Variants in H3-3B observed in about 807,000 individuals in gnomAD.
The protein encoded by H3-3B is H3.3 histone B, also known as histone H3.3.
Under a neutral mutation model 13.1 loss-of-function variants are expected in H3-3B, and 2 were observed. That is an observed-to-expected ratio of 0.15 (90% confidence interval 0.06 to 0.48). The LOEUF is 0.48. H3-3B is among the 20% of genes least tolerant of loss of function. The pLI, the probability that H3-3B is intolerant of heterozygous loss-of-function variation, is 0.97. For missense variants in H3-3B, 39 were observed against 186.0 expected, an observed-to-expected ratio of 0.21 and a Z score of 4.60; for synonymous variants, 133 against 75.8, an observed-to-expected ratio of 1.76 and a Z score of -3.92.
rs1343111054 is a variant in H3-3B, at chr17:75,778,028, G to A, written c.*567C>T. 1.3e-5 allele frequency: 2 copies of A among 152,508 alleles called. No individual in the cohort carries two copies. Among genetic ancestry groups the A allele is most frequent in the African/African-American group, 2.4e-5 (1 of 41,364 alleles). The allele number at this position is 152,508 out of a possible 1,614,324, so 9.4% of individuals were successfully genotyped here. A position where few individuals can be genotyped will look rare whatever the true frequency, so the allele number is the denominator to read the frequency against. ...ACAAGACTCCCCACCACTTGTGAAT[G>A]TAAAACATTTAATTTAAAAATGTTG... On this transcript the variant is annotated 3_prime_UTR_variant, in exon 4 of 4. Coordinates refer to ENST00000254810, the MANE Select transcript of H3-3B (RefSeq NM_005324.5).
In H3-3B at chr17:75,777,869, T is replaced by C. The variant is rs1370798523; in HGVS notation, c.*726A>G. The C allele has an allele frequency of 6.6e-6, 1 of 152,578 alleles. No homozygotes were observed. The highest frequency in any genetic ancestry group is 1.5e-5 in the Non-Finnish European group (1 of 68,044). 9.5% of individuals were successfully genotyped at this position (152,578 alleles called of 1,614,324 possible). A position where few individuals can be genotyped will look rare whatever the true frequency, so the allele number is the denominator to read the frequency against. On this transcript the variant is annotated 3_prime_UTR_variant, in exon 4 of 4. Coordinates refer to ENST00000254810, the MANE Select transcript of H3-3B (RefSeq NM_005324.5). ...AAAATCCCCCAGTTAGTGTTTGCAT[T>C]ATCAGCTAGAGGGTTAACATGTGGT...
chr17:75,778,423 C>T lies in H3-3B; in HGVS notation c.*172G>A, dbSNP rs2410863. 379 of 860,228 alleles carry T rather than the reference C, an allele frequency of 4.4e-4. 7 individuals carry two copies. The East Asian group carries it at 9.9e-3, about 23-fold the overall frequency. 53.3% of individuals were successfully genotyped at this position (860,228 alleles called of 1,614,324 possible). On this transcript the variant is annotated 3_prime_UTR_variant, in exon 4 of 4. Transcript: ENST00000254810. ...CTTGTCACTCCTGAGCAACAGTGCT[C>T]ACATCACTGAGGTCTGTGAACAGTC... is the stretch of plus-strand genomic sequence containing the variant.
In H3-3B at chr17:75,776,999, CAA is replaced by C. The variant is rs2061640922; in HGVS notation, c.*1594_*1595del. The C allele has an allele frequency of 1.3e-5, 2 of 152,316 alleles. No homozygotes were observed. The highest frequency in any genetic ancestry group is 4.1e-4 in the South Asian group (2 of 4,822). 9.4% of individuals were successfully genotyped at this position (152,316 alleles called of 1,614,324 possible). A position where few individuals can be genotyped will look rare whatever the true frequency, so the allele number is the denominator to read the frequency against. ...CAAAATATCACATTTGAAACTAACC[CAA>C]ACTTTTGAGAAAGCAATTTTAATGG... On this transcript the variant is annotated 3_prime_UTR_variant, in exon 4 of 4. Coordinates refer to ENST00000254810, the MANE Select transcript of H3-3B (RefSeq NM_005324.5).
rs1426904957 is a variant in H3-3B, at chr17:75,778,132, A to G, written c.*463T>C. The G allele has an allele frequency of 6.7e-6, 1 of 149,536 alleles. No homozygotes were observed. Among genetic ancestry groups the G allele is most frequent in the Admixed American group, 6.6e-5 (1 of 15,090 alleles). 9.3% of individuals were successfully genotyped at this position (149,536 alleles called of 1,614,324 possible). ...TGCCAGGTTTACTTTTTTTTTTTTT[A>G]AAGGAAACTGTAAGTTACACTGTGG... On this transcript the variant is annotated 3_prime_UTR_variant, in exon 4 of 4. Coordinates refer to ENST00000254810, the MANE Select transcript of H3-3B (RefSeq NM_005324.5).
rs750282970 is a variant in H3-3B at position 75,779,037 on chromosome 17, C to A, written c.128+10G>T. 6.2e-7 allele frequency: 1 copy of A among 1,610,382 alleles called. No individual in the cohort carries two copies. Among genetic ancestry groups the A allele is most frequent in the East Asian group, 2.2e-5 (1 of 44,764 alleles). On this transcript the variant is annotated intron_variant, in intron 2 of 3. Transcript: ENST00000254810. The stretch of plus-strand genomic sequence containing the variant: ...CCACCGCCGGGCCATTGTTCCCCCG[C>A]CCGACCTACCTGTAGCGATGAGGCT...
At position 75,776,583 on chromosome 17, in the gene H3-3B, C is replaced by T. The variant is rs1257029960; in HGVS notation, c.*2012G>A. 1 of 152,230 alleles carries T rather than the reference C, an allele frequency of 6.6e-6. No individual in the cohort carries two copies. The highest frequency in any genetic ancestry group is 6.5e-5 in the Admixed American group (1 of 15,282). 9.4% of individuals were successfully genotyped at this position (152,230 alleles called of 1,614,324 possible). On this transcript the variant is annotated 3_prime_UTR_variant, in exon 4 of 4. Coordinates refer to ENST00000254810, the MANE Select transcript of H3-3B (RefSeq NM_005324.5). ...GAAGCCGCCTACAACCAAAAGCTAT[C>T]TTCGCCTTCTGGGTTGAGTGCTCAA...
At position 75,778,610 on chromosome 17, in the gene H3-3B, C is replaced by A. The variant is rs771946142; in HGVS notation, c.396G>T (p.Arg132=). The change falls in exon 4 of 4, where the codon CGG becomes CGT. Residue 132 remains arginine, a synonymous_variant. Transcript: ENST00000254810. ...CTGCCTTCACTTAAGCTCTCTCTCCCCGTATCCGGCGAGCCAACTGGATGT... is the reference window on the plus strand; with the variant it reads ...CTGCCTTCACTTAAGCTCTCTCTCCACGTATCCGGCGAGCCAACTGGATGT... ...PKDIQLARRI[R]GERA is the part of the protein sequence containing the mutation. 13 of 1,613,954 alleles carry A rather than the reference C, an allele frequency of 8.1e-6. No individual in the cohort carries two copies. In the African/African-American group the frequency reaches 1.7e-4, roughly 22 times the overall value.
rs143050970 is a variant in H3-3B at position 75,778,607 on chromosome 17, T to C, written c.399A>G (p.Gly133=). The change falls in exon 4 of 4, where the codon GGA becomes GGG. Residue 133 remains glycine (G), a synonymous_variant. Transcript: ENST00000254810. Reference sequence around the variant, plus strand: ...AAACTGCCTTCACTTAAGCTCTCTCTCCCCGTATCCGGCGAGCCAACTGGA... The same window carrying C: ...AAACTGCCTTCACTTAAGCTCTCTCCCCCCGTATCCGGCGAGCCAACTGGA... The part of the protein sequence containing the change: ...KDIQLARRIR[G]ERA The C allele has an allele frequency of 1.6e-3, 2,662 of 1,613,902 alleles. 26 individuals are homozygous for C. The African/African-American group carries it at 0.023, about 14-fold the overall frequency.
At position 75,778,007 on chromosome 17, in the gene H3-3B, G is replaced by C. The variant is rs1241054153; in HGVS notation, c.*588C>G. ...TAAATTACACACACCTTAATGACAAGACTCCCCACCACTTGTGAATGTAAA... is the reference window on the plus strand; with the variant it reads ...TAAATTACACACACCTTAATGACAACACTCCCCACCACTTGTGAATGTAAA... On this transcript the variant is annotated 3_prime_UTR_variant, in exon 4 of 4. Transcript: ENST00000254810. 2 of 152,566 alleles carry C rather than the reference G, an allele frequency of 1.3e-5. No homozygotes were observed. The highest frequency in any genetic ancestry group is 6.6e-5 in the Admixed American group (1 of 15,264). The allele number at this position is 152,566 out of a possible 1,614,324, so 9.5% of individuals were successfully genotyped here.
In H3-3B at chr17:75,778,503, A is replaced by G. The variant is rs2061650073; in HGVS notation, c.*92T>C. ...GGAATGACTTAAGTACAAATGCAAC[A>G]TATTATAAACAATTTCTTACAAAAA... is the stretch of plus-strand genomic sequence containing the variant. On this transcript the variant is annotated 3_prime_UTR_variant, in exon 4 of 4. Coordinates refer to ENST00000254810, the MANE Select transcript of H3-3B (RefSeq NM_005324.5). 4 of 1,504,590 alleles carry G rather than the reference A, an allele frequency of 2.7e-6. No individual in the cohort carries two copies. Among genetic ancestry groups the G allele is most frequent in the African/African-American group, 1.4e-5 (1 of 71,692 alleles). The allele number at this position is 1,504,590 out of a possible 1,614,324, so 93.2% of individuals were successfully genotyped here.
Position 75,778,080 on chromosome 17 carries a change from A to G in H3-3B, c.*515T>C, listed in dbSNP as rs2061647718. On this transcript the variant is annotated 3_prime_UTR_variant, in exon 4 of 4. Coordinates refer to ENST00000254810, the MANE Select transcript of H3-3B (RefSeq NM_005324.5). ...TACTACAATATATAAAATAGCTATTATAAATGCACATAGTGTATTCTATAG... is the reference window on the plus strand; with the variant it reads ...TACTACAATATATAAAATAGCTATTGTAAATGCACATAGTGTATTCTATAG... The G allele has an allele frequency of 6.5e-6, 1 of 152,846 alleles. No homozygotes were observed. The allele number at this position is 152,846 out of a possible 1,614,324, so 9.5% of individuals were successfully genotyped here. A position where few individuals can be genotyped will look rare whatever the true frequency, so the allele number is the denominator to read the frequency against.
At position 75,776,542 on chromosome 17, in the gene H3-3B, G is replaced by A. The variant is rs571353465; in HGVS notation, c.*2053C>T. Reference sequence around the variant, plus strand: ...GCCTCTGCTCCTTTACCCTTACCGAGGGATATCCCATACAGGAAGCCGCCT... The same window carrying A: ...GCCTCTGCTCCTTTACCCTTACCGAAGGATATCCCATACAGGAAGCCGCCT... On this transcript the variant is annotated 3_prime_UTR_variant, in exon 4 of 4. Coordinates refer to ENST00000254810, the MANE Select transcript of H3-3B (RefSeq NM_005324.5). 3.3e-5 allele frequency: 5 copies of A among 152,278 alleles called. No homozygotes were observed. The East Asian group carries it at 7.7e-4, about 23-fold the overall frequency. 9.4% of individuals were successfully genotyped at this position (152,278 alleles called of 1,614,324 possible). A position where few individuals can be genotyped will look rare whatever the true frequency, so the allele number is the denominator to read the frequency against.
rs955935196 is a variant in H3-3B at position 75,777,826 on chromosome 17, T to TC, written c.*768dup. On this transcript the variant is annotated 3_prime_UTR_variant, in exon 4 of 4. Transcript: ENST00000254810. ...ATGCTGGTGTGAATAACTCGTTTTT[T>TC]CTAGAGCCCTTATAAATAAAATCCC... 3 of 152,598 alleles carry TC rather than the reference T, an allele frequency of 2.0e-5. No homozygotes were observed. The highest frequency in any genetic ancestry group is 2.9e-5 in the Non-Finnish European group (2 of 68,042). The allele number at this position is 152,598 out of a possible 1,614,324, so 9.5% of individuals were successfully genotyped here.
rs1180392078 is a variant in H3-3B at position 75,776,540 on chromosome 17, G to A, written c.*2055C>T. On this transcript the variant is annotated 3_prime_UTR_variant, in exon 4 of 4. Coordinates refer to ENST00000254810, the MANE Select transcript of H3-3B (RefSeq NM_005324.5). Reference sequence around the variant, plus strand: ...TTGCCTCTGCTCCTTTACCCTTACCGAGGGATATCCCATACAGGAAGCCGC... The same window carrying A: ...TTGCCTCTGCTCCTTTACCCTTACCAAGGGATATCCCATACAGGAAGCCGC... The A allele has an allele frequency of 2.6e-5, 4 of 152,150 alleles. No homozygotes were observed. Among genetic ancestry groups the A allele is most frequent in the Non-Finnish European group, 5.9e-5 (4 of 68,036 alleles). 9.4% of individuals were successfully genotyped at this position (152,150 alleles called of 1,614,324 possible).
chr17:75,778,763 G>C, intron 3 of H3-3B, 40 bp from the exon 4 acceptor site: 1 of 1,614,098 alleles, frequency 6.2e-7, no homozygotes, highest in Middle Eastern at 1.6e-4. Context: ...CCCACTCGGG[G>C]AGCGGAAACC....
At position 75,776,816 on chromosome 17, in the gene H3-3B, A is replaced by G. The variant is rs916822678; in HGVS notation, c.*1779T>C. 7 of 152,240 alleles carry G rather than the reference A, an allele frequency of 4.6e-5. No homozygotes were observed. Among genetic ancestry groups the G allele is most frequent in the African/African-American group, 1.7e-4 (7 of 41,456 alleles). The allele number at this position is 152,240 out of a possible 1,614,324, so 9.4% of individuals were successfully genotyped here. A position where few individuals can be genotyped will look rare whatever the true frequency, so the allele number is the denominator to read the frequency against. On this transcript the variant is annotated 3_prime_UTR_variant, in exon 4 of 4. Transcript: ENST00000254810. ...GACACGCTACAGCATAGCACGTTCC[A>G]ACATCTGATCTTAATCTCATTCTGA...
Position 75,778,498 on chromosome 17 carries a change from G to A in H3-3B, c.*97C>T, listed in dbSNP as rs114101069. ...AAGATGGAATGACTTAAGTACAAAT[G>A]CAACATATTATAAACAATTTCTTAC... is the stretch of plus-strand genomic sequence containing the variant. On this transcript the variant is annotated 3_prime_UTR_variant, in exon 4 of 4. Transcript: ENST00000254810. 4.4e-4 allele frequency: 648 copies of A among 1,486,658 alleles called. 4 individuals are homozygous for A. The African/African-American group carries it at 8.2e-3, about 19-fold the overall frequency. The allele number at this position is 1,486,658 out of a possible 1,614,324, so 92.1% of individuals were successfully genotyped here. A position where few individuals can be genotyped will look rare whatever the true frequency, so the allele number is the denominator to read the frequency against.
chr17:75,777,164 T>C lies in H3-3B; in HGVS notation c.*1431A>G, dbSNP rs542996424. 1 of 151,682 alleles carries C rather than the reference T, an allele frequency of 6.6e-6. No homozygotes were observed. The highest frequency in any genetic ancestry group is 2.4e-5 in the African/African-American group (1 of 41,348). 9.4% of individuals were successfully genotyped at this position (151,682 alleles called of 1,614,324 possible). A position where few individuals can be genotyped will look rare whatever the true frequency, so the allele number is the denominator to read the frequency against. ...AAGGAAACTGGTTTCATACTGAAGTTTAAGACTGAGTTCTACACCTGTGGG... is the reference window on the plus strand; with the variant it reads ...AAGGAAACTGGTTTCATACTGAAGTCTAAGACTGAGTTCTACACCTGTGGG... On this transcript the variant is annotated 3_prime_UTR_variant, in exon 4 of 4. Coordinates refer to ENST00000254810, the MANE Select transcript of H3-3B (RefSeq NM_005324.5).
chr17:75,777,332 A>G lies in H3-3B; in HGVS notation c.*1263T>C, dbSNP rs1418147959. On this transcript the variant is annotated 3_prime_UTR_variant, in exon 4 of 4. Coordinates refer to ENST00000254810, the MANE Select transcript of H3-3B (RefSeq NM_005324.5). ...CATGCTTTCTACAGTATCTTTATAA[A>G]TAAAAGGTTCCTTTATCCACCAAAC... The G allele has an allele frequency of 6.6e-6, 1 of 152,540 alleles. No homozygotes were observed. The highest frequency in any genetic ancestry group is 6.5e-5 in the Admixed American group (1 of 15,280). 9.4% of individuals were successfully genotyped at this position (152,540 alleles called of 1,614,324 possible). A position where few individuals can be genotyped will look rare whatever the true frequency, so the allele number is the denominator to read the frequency against.
Sources: gnomAD v4.1 joint callset for allele counts on GRCh38, gnomAD v4.1.1 for gene constraint, MANE v1.5 for transcripts, NCBI Gene and HGNC (gene_info 2026-07-23, HGNC 2026-07-21) for gene names.